Variants in GIGYF2 observed in about 807,000 individuals in gnomAD.
GIGYF2 encodes GRB10-interacting GYF protein 2.
Under a neutral mutation model 208.1 loss-of-function variants are expected in GIGYF2, and 25 were observed. That is an observed-to-expected ratio of 0.12 (90% confidence interval 0.09 to 0.17). GIGYF2 has a LOEUF of 0.17. Among genes scored for constraint, GIGYF2 ranks in the 10% least tolerant of loss-of-function variants. The probability of loss-of-function intolerance (pLI) is 1.00; values close to 1 mark genes in which losing one functional copy is unlikely to be tolerated. For synonymous variants in GIGYF2, 534 were observed against 543.8 expected (o/e 0.98, Z 0.25); for missense variants, 1,302 against 1,579.4 (o/e 0.82, Z 2.98).
rs1002670156 is a variant in GIGYF2 at position 232,844,441 on chromosome 2, G to A, written c.3172G>A (p.Ala1058Thr). 11 of 1,611,074 alleles carry A rather than the reference G, an allele frequency of 6.8e-6. No individual in the cohort carries two copies. In the African/African-American group the frequency reaches 1.1e-4, roughly 16 times the overall value. Residue 1058 changes from alanine to threonine, a missense_variant, in exon 25 of 29, where the codon GCA (alanine) becomes ACA (threonine). Transcript: ENST00000373563. Reference protein sequence around the residue: ...SINTGPPNQWASDLVSSIWSN... With the variant: ...SINTGPPNQWTSDLVSSIWSN... ...AAATACTGGTCCTCCTAACCAGTGG[G>A]CATCTGACCTAGTCAGTAGTATTTG...
At chr2:232,730,704 C>G (rs1158153755) in intron 2 of GIGYF2, among the ~76,000 whole-genome samples, 2 of 149,046 alleles carry the variant, frequency 1.3e-5, no homozygotes, top group Non-Finnish European at 3.0e-5. Flanking sequence ...CGAGACCATC[C>G]CGGCTAAAAT....
At chr2:232,729,241 A>G (rs1697343421) in intron 2 of GIGYF2, among the ~76,000 whole-genome samples, 1 of 152,082 alleles carries the variant, frequency 6.6e-6, no homozygotes, top group Admixed American at 6.6e-5. Flanking sequence ...CAGCTTCCCA[A>G]AGTGCTGAGA....
chr2:232,812,265 A>G, intron 17 of GIGYF2, 126 bp from the exon 18 acceptor site: 2 of 635,982 alleles, frequency 3.1e-6, no homozygotes, highest in Non-Finnish European at 5.6e-6. Context: ...AGTTTTAGTA[A>G]AAGAGTGAAG....
intron 2 of GIGYF2, among the ~76,000 whole-genome samples, chr2:232,728,966 C>T (rs1697331448): frequency 1.3e-5 from 2 of 151,910 alleles, no homozygotes; most frequent in African/African-American, 4.8e-5. Context: ...CTTTCCTTTT[C>T]CCTTTCCCTT....
At position 232,763,614 on chromosome 2, in the gene GIGYF2, C is replaced by A. The variant is rs1006621404; in HGVS notation, c.532+2178C>A. On this transcript the variant is annotated intron_variant, in intron 8 of 28. Coordinates refer to ENST00000373563, the MANE Select transcript of GIGYF2 (RefSeq NM_001103146.3). ...CTGAGGTTGGCAGATCACGTGAGGT[C>A]AGGAGTTGGAGACCAGCTTGGCCAA... is the stretch of plus-strand genomic sequence containing the variant. 5.9e-5 allele frequency among the ~76,000 whole-genome samples: 9 copies of A among 152,102 alleles called. 1 individual carries two copies. The South Asian group carries it at 1.9e-3, about 32-fold the overall frequency.
chr2:232,856,676 A>G, intron 28 of GIGYF2, 117 bp from the exon 29 acceptor site: 2 of 784,384 alleles, frequency 2.5e-6, no homozygotes, highest in East Asian at 2.5e-5. Flanking sequence ...TGGGTGACAG[A>G]GTGAAACCCT....
intron 2 of GIGYF2, among the ~76,000 whole-genome samples, chr2:232,709,175 T>C (rs1696268157): frequency 6.6e-6 from 1 of 152,188 alleles, no homozygotes; most frequent in African/African-American, 2.4e-5. Context: ...GGTTAGCCTT[T>C]TGGAGCCTAA....
chr2:232,809,923 C>T (rs1700680814), intron 16 of GIGYF2, 112 bp downstream of exon 16: 1 of 736,638 alleles, frequency 1.4e-6, no homozygotes, highest in African/African-American at 1.7e-5. Flanking sequence ...TTATATGGCA[C>T]TTCAGTCACC....
chr2:232,829,619 A>T (rs929201367), intron 21 of GIGYF2, among the ~76,000 whole-genome samples: 1 of 152,156 alleles, frequency 6.6e-6, no homozygotes, highest in African/African-American at 2.4e-5. Context: ...GGTCTACTTC[A>T]TGCCTGTAGT....
In GIGYF2 at chr2:232,795,001, G is replaced by A; in HGVS notation, c.1479+57G>A. 4.0e-6 allele frequency: 5 copies of A among 1,240,564 alleles called. 1 individual carries two copies. Among genetic ancestry groups the A allele is most frequent in the Middle Eastern group, 4.9e-4 (2 of 4,112 alleles). 76.8% of individuals were successfully genotyped at this position (1,240,564 alleles called of 1,614,324 possible). A position where few individuals can be genotyped will look rare whatever the true frequency, so the allele number is the denominator to read the frequency against. On this transcript the variant is annotated intron_variant, in intron 13 of 28. Transcript: ENST00000373563. ...CTTAAACTGCCGTAAGAATTAGCAG[G>A]CATTGCATGAATATTCAAACATAAA...
At chr2:232,701,216 A>G (rs996659241) in intron 1 of GIGYF2, among the ~76,000 whole-genome samples, 1 of 152,030 alleles carries the variant, frequency 6.6e-6, no homozygotes, top group Non-Finnish European at 1.5e-5. Flanking sequence ...TAAATAAGGA[A>G]CACAATTTTA....
chr2:232,797,981 CAAAAAAAAAAA>C (rs57991158), intron 14 of GIGYF2, among the ~76,000 whole-genome samples: 1,235 of 102,368 alleles, frequency 0.012, 22 homozygotes, highest in African/African-American at 0.031. Context: ...ACTGTGCCTC[CAAAAAAAAAAA>C]AAAAAAAAAA....
At chr2:232,717,165 A>C (rs1478465357) in intron 2 of GIGYF2, among the ~76,000 whole-genome samples, 1 of 151,986 alleles carries the variant, frequency 6.6e-6, no homozygotes, top group Non-Finnish European at 1.5e-5. Context: ...ACACAACTGG[A>C]GCTGGGCATA....
chr2:232,836,616 T>G (rs1311319481), intron 22 of GIGYF2, among the ~76,000 whole-genome samples: 2 of 147,318 alleles, frequency 1.4e-5, no homozygotes. Flanking sequence ...GACAGACTGA[T>G]CCACTTAAAT....
At chr2:232,768,393 A>G (rs1335732996) in intron 8 of GIGYF2, 1 of 1,614,090 alleles carries the variant, frequency 6.2e-7, no homozygotes, top group Non-Finnish European at 8.5e-7. Context: ...GTGATGTAAC[A>G]TGATTTCAGA....
At chr2:232,781,728 T>C (rs1200904232) in intron 8 of GIGYF2, among the ~76,000 whole-genome samples, 1 of 152,242 alleles carries the variant, frequency 6.6e-6, no homozygotes, top group Non-Finnish European at 1.5e-5. Flanking sequence ...CCCAGATCTC[T>C]GTCTTCCCAT....
intron 2 of GIGYF2, among the ~76,000 whole-genome samples, chr2:232,708,219 C>T (rs567029956): frequency 6.6e-6 from 1 of 152,310 alleles, no homozygotes; most frequent in East Asian, 1.9e-4. Context: ...CTTGGTCTCC[C>T]AAAGTGCTAG....
chr2:232,729,153 A>G (rs1258818165), intron 2 of GIGYF2, among the ~76,000 whole-genome samples: 2 of 151,954 alleles, frequency 1.3e-5, no homozygotes, highest in African/African-American at 4.8e-5. Context: ...TAACTTTTGT[A>G]TTTTGTGTAG....
chr2:232,771,538 G>T, intron 8 of GIGYF2: 2 of 536,372 alleles, frequency 3.7e-6, no homozygotes, highest in African/African-American at 3.8e-5. Context: ...CATTTACTAA[G>T]TCATTCATTT....
Sources: gnomAD v4.1 joint callset for allele counts (sites outside exome capture counted in the v4.1 genomes callset) on GRCh38, gnomAD v4.1.1 for gene constraint, MANE v1.5 for transcripts, NCBI Gene and HGNC (gene_info 2026-07-23, HGNC 2026-07-21) for gene names.